The following SH3D19 variants were observed in gnomAD, a reference collection of about 807,000 sequenced individuals.
SH3D19 encodes the protein SH3 domain-containing protein 19.
A neutral mutation model predicts 112.1 loss-of-function variants in SH3D19; 58 were observed. The observed-to-expected ratio is 0.52, with a 90% CI of 0.42 to 0.64. SH3D19 has a LOEUF of 0.64. SH3D19 is among the 30% of genes least tolerant of loss of function. The pLI is 0.00. For missense variants in SH3D19, 1,090 were observed against 1,263.4 expected (o/e 0.86, Z 2.08); for synonymous variants, 391 against 448.5 (o/e 0.87, Z 1.62).
chr4:151,292,654 T>C (rs2150020598), intron 1 of SH3D19, among the ~76,000 whole-genome samples: 1 of 152,342 alleles, frequency 6.6e-6, no homozygotes, highest in Middle Eastern at 3.4e-3. Flanking sequence ...ACAATCATTA[T>C]CTTCACCACA....
chr4:151,280,038 A>C, intron 1 of SH3D19: 1 of 1,505,186 alleles, frequency 6.6e-7, no homozygotes, highest in Non-Finnish European at 9.1e-7. Context: ...CCAAAAGACA[A>C]ATGAAAGTGG....
intron 2 of SH3D19, among the ~76,000 whole-genome samples, chr4:151,206,834 C>T (rs1206454408): frequency 2.0e-5 from 3 of 152,156 alleles, no homozygotes; most frequent in Non-Finnish European, 4.4e-5. Context: ...TGCATGCTCT[C>T]ATTCTTCCTC....
chr4:151,217,011 A>G (rs1429456682), intron 2 of SH3D19, among the ~76,000 whole-genome samples: 2 of 152,114 alleles, frequency 1.3e-5, no homozygotes, highest in East Asian at 3.8e-4. Context: ...AAACCTGTAT[A>G]TATTTAAATG....
At chr4:151,309,818 A>G (rs1729266578) in intron 1 of SH3D19, among the ~76,000 whole-genome samples, 1 of 151,462 alleles carries the variant, frequency 6.6e-6, no homozygotes, top group Non-Finnish European at 1.5e-5. Context: ...ATTGAGACCC[A>G]GTCTCTACAA....
intron 1 of SH3D19, among the ~76,000 whole-genome samples, chr4:151,275,736 A>T (rs1226446132): frequency 6.6e-6 from 1 of 151,572 alleles, no homozygotes; most frequent in Non-Finnish European, 1.5e-5. Context: ...GCCCAGGCTG[A>T]TCTCAAACTC....
At chr4:151,161,172 G>T (rs979166276) in intron 8 of SH3D19, among the ~76,000 whole-genome samples, 4 of 152,072 alleles carry the variant, frequency 2.6e-5, no homozygotes, top group Admixed American at 1.3e-4. Context: ...AGAAAAAGTG[G>T]CAATGAGCAA....
chr4:151,265,848 G>T (rs1455185616), intron 1 of SH3D19, among the ~76,000 whole-genome samples: 1 of 151,992 alleles, frequency 6.6e-6, no homozygotes, highest in African/African-American at 2.4e-5. Flanking sequence ...GCCTTCCAAA[G>T]TACTGGGATT....
chr4:151,283,256 T>C (rs756408795), intron 1 of SH3D19: 1 of 1,613,704 alleles, frequency 6.2e-7, no homozygotes, highest in South Asian at 1.1e-5. Flanking sequence ...TTTGTGCTGG[T>C]GATACTCAAA....
chr4:151,249,938 T>C (rs1771231667), intron 1 of SH3D19, among the ~76,000 whole-genome samples: 1 of 152,234 alleles, frequency 6.6e-6, no homozygotes, highest in Non-Finnish European at 1.5e-5. Flanking sequence ...TAGTGCCGTA[T>C]GCTTGAGTTA....
intron 1 of SH3D19, among the ~76,000 whole-genome samples, chr4:151,244,786 T>G (rs1174161582): frequency 1.3e-5 from 2 of 152,212 alleles, no homozygotes; most frequent in Non-Finnish European, 2.9e-5. Flanking sequence ...TGTAGCTATC[T>G]CTAAAACATA....
chr4:151,167,979 C>A (rs143198223), intron 7 of SH3D19, among the ~76,000 whole-genome samples: 1 of 152,334 alleles, frequency 6.6e-6, no homozygotes, highest in East Asian at 1.9e-4. Context: ...TTCTGTCTTC[C>A]CCAAGTTTGC....
chr4:151,139,345 G>C (rs1752547109), intron 13 of SH3D19, among the ~76,000 whole-genome samples: 2 of 151,466 alleles, frequency 1.3e-5, no homozygotes, highest in African/African-American at 4.9e-5. Context: ...GTAGAGACGG[G>C]GTTTCACCAT....
At chr4:151,198,440 TATATA>T (rs1763892593) in intron 2 of SH3D19, among the ~76,000 whole-genome samples, 1 of 140,392 alleles carries the variant, frequency 7.1e-6, no homozygotes, top group African/African-American at 2.7e-5. Context: ...ATATAAAATA[TATATA>T]AAAATATATA....
At chr4:151,185,202 G>A (rs535716812) in intron 3 of SH3D19, among the ~76,000 whole-genome samples, 1 of 152,070 alleles carries the variant, frequency 6.6e-6, no homozygotes, top group East Asian at 1.9e-4. Flanking sequence ...AGGGAATTAA[G>A]GCAAGAAGCC....
chr4:151,148,186 TCTGAA>T lies in SH3D19; in HGVS notation c.1818-5_1818-1del. Reference sequence around the variant, plus strand: ...TTGGAATGGTTTTTCCATTCACAGGTCTGAAAGTCAATGTAGTAGCCATGAGTCAG... The same window carrying T: ...TTGGAATGGTTTTTCCATTCACAGGTAGTCAATGTAGTAGCCATGAGTCAG... On this transcript the variant is annotated splice_acceptor_variant and splice_polypyrimidine_tract_variant and intron_variant, in intron 10 of 19. Transcript: ENST00000604030. LOFTEE classifies it high-confidence loss of function. 6.3e-7 allele frequency: 1 copy of T among 1,596,968 alleles called. No individual in the cohort carries two copies. Among genetic ancestry groups the T allele is most frequent in the Non-Finnish European group, 8.5e-7 (1 of 1,174,038 alleles).
intron 1 of SH3D19, among the ~76,000 whole-genome samples, chr4:151,308,409 G>C (rs1729126786): frequency 6.6e-6 from 1 of 152,154 alleles, no homozygotes; most frequent in African/African-American, 2.4e-5. Context: ...GAAACCTTAA[G>C]GTACCCCCCA....
Position 151,253,093 on chromosome 4 carries a change from C to T in SH3D19, c.113-27007G>A, listed in dbSNP as rs141197664. Among the ~76,000 whole-genome samples the T allele has an allele frequency of 3.0e-3, 461 of 152,338 alleles. 4 individuals carry two copies. The highest frequency in any genetic ancestry group is 0.02 in the East Asian group (102 of 5,184). On this transcript the variant is annotated intron_variant, in intron 1 of 19. Coordinates refer to ENST00000604030, the MANE Select transcript of SH3D19 (RefSeq NM_001378122.1). ...TCATTTAAAATTTAAGTCAGATCAA[C>T]TATCTTCCCATACTACTAAGAATAA... is the stretch of plus-strand genomic sequence containing the variant.
intron 2 of SH3D19, among the ~76,000 whole-genome samples, chr4:151,218,654 T>C (rs1767528856): frequency 6.6e-6 from 1 of 152,222 alleles, no homozygotes; most frequent in South Asian, 2.1e-4. Flanking sequence ...ACAGTCAAGA[T>C]ACACTTGAAG....
chr4:151,265,876 C>T (rs573902872), intron 1 of SH3D19, among the ~76,000 whole-genome samples: 1 of 152,174 alleles, frequency 6.6e-6, no homozygotes, highest in Admixed American at 6.5e-5. Context: ...TGAGCCACAG[C>T]GCCTGGCCCC....
Sources: allele counts gnomAD v4.1 joint callset (sites outside exome capture counted in the v4.1 genomes callset), GRCh38; gene constraint gnomAD v4.1.1; transcripts MANE v1.5; gene names NCBI Gene and HGNC (gene_info 2026-07-23, HGNC 2026-07-21).